The following FGGY variants were observed in gnomAD, a reference collection of about 807,000 sequenced individuals.
The protein encoded by FGGY is FGGY carbohydrate kinase domain containing, also known as FGGY carbohydrate kinase domain-containing protein.
FGGY carries 72 observed loss-of-function variants against 71.3 expected under a neutral mutation model. The observed-to-expected ratio is 1.01, with a 90% CI of 0.84 to 1.23. The LOEUF (loss-of-function observed/expected upper bound fraction) is 1.23. Ranked by LOEUF, FGGY falls within the 50% of genes most tolerant of loss-of-function variation. FGGY has a pLI of 0.00. For missense variants in FGGY, 668 were observed against 682.3 expected (o/e 0.98, Z 0.23); for synonymous variants, 251 against 250.3 (o/e 1.00, Z -0.02).
rs2030482 is a variant in FGGY, at chr1:59,437,632, C to T, written c.555-19329C>T. 1.9e-3 allele frequency among the ~76,000 whole-genome samples: 286 copies of T among 152,264 alleles called. 1 individual carries two copies. Among genetic ancestry groups the T allele is most frequent in the African/African-American group, 6.6e-3 (274 of 41,542 alleles). On this transcript the variant is annotated intron_variant, in intron 5 of 15. Coordinates refer to ENST00000303721, the MANE Select transcript of FGGY (RefSeq NM_018291.5). ...ATAAATTTACAGAATGCAGCTCGCT[C>T]TGGAGATTATATCTGGTTATATATG...
rs1168597140 is a variant in FGGY, at chr1:59,667,288, G to A, written c.1302G>A (p.Gly434=). 1.2e-6 allele frequency: 2 copies of A among 1,613,888 alleles called. No homozygotes were observed. Among genetic ancestry groups the A allele is most frequent in the Non-Finnish European group, 1.7e-6 (2 of 1,180,020 alleles). The change falls in exon 13 of 16, where the codon GGG becomes GGA. Residue 434 remains glycine (G), a synonymous_variant. Transcript: ENST00000303721. ...YLATVQAIAL[G]TRFIIEAMEA... is the part of the protein sequence containing the mutation. ...CTTCTGCTTTTCCTTTCAAGTTGGG[G>A]ACTCGCTTCATTATAGAAGCCATGG...
chr1:59,699,678 A>G (rs1406100838), intron 14 of FGGY, among the ~76,000 whole-genome samples: 2 of 152,220 alleles, frequency 1.3e-5, no homozygotes, highest in East Asian at 3.8e-4. Flanking sequence ...GGAGTAACAT[A>G]CAGTATTCTA....
intron 4 of FGGY, among the ~76,000 whole-genome samples, chr1:59,346,864 T>G (rs2052043171): frequency 1.3e-5 from 2 of 152,014 alleles, no homozygotes; most frequent in African/African-American, 4.8e-5. Flanking sequence ...CAGGCTGATT[T>G]CGAACTCCTG....
At chr1:59,709,607 C>T (rs929632807) in intron 14 of FGGY, among the ~76,000 whole-genome samples, 1 of 152,170 alleles carries the variant, frequency 6.6e-6, no homozygotes, top group Non-Finnish European at 1.5e-5. Context: ...AGCCATCACA[C>T]AAGGAATCTA....
rs1026042908 is a variant in FGGY, at chr1:59,674,215, A to C, written c.1512+82A>C. 5 of 969,328 alleles carry C rather than the reference A, an allele frequency of 5.2e-6. No individual in the cohort carries two copies. The African/African-American group carries it at 6.5e-5, about 13-fold the overall frequency. 60.0% of individuals were successfully genotyped at this position (969,328 alleles called of 1,614,324 possible). A position where few individuals can be genotyped will look rare whatever the true frequency, so the allele number is the denominator to read the frequency against. ...CTCTTGACAGCAGCTCGCATTTTAC[A>C]AAATACACACAGGATATAATTAAGA... is the stretch of plus-strand genomic sequence containing the variant. On this transcript the variant is annotated intron_variant, in intron 14 of 15. Transcript: ENST00000303721.
chr1:59,337,569 T>A (rs924069680), intron 2 of FGGY, among the ~76,000 whole-genome samples: 1 of 152,198 alleles, frequency 6.6e-6, no homozygotes, highest in Non-Finnish European at 1.5e-5. Flanking sequence ...TCCAGTCCAG[T>A]TGATATCTAA....
chr1:59,755,906 C>CTTAG (rs2098286169), intron 14 of FGGY: 1 of 152,144 alleles, frequency 6.6e-6, no homozygotes, highest in African/African-American at 2.4e-5. Flanking sequence ...CAAGGTCCTC[C>CTTAG]CTAAAGCACA....
At chr1:59,732,583 T>G (rs542519636) in intron 14 of FGGY, among the ~76,000 whole-genome samples, 10 of 151,840 alleles carry the variant, frequency 6.6e-5, no homozygotes, top group African/African-American at 2.4e-4. Flanking sequence ...AGGGTGGAGT[T>G]CTTATCACTC....
intron 14 of FGGY, among the ~76,000 whole-genome samples, chr1:59,723,800 T>G (rs2097917486): frequency 6.6e-6 from 1 of 152,246 alleles, no homozygotes; most frequent in Non-Finnish European, 1.5e-5. Flanking sequence ...ATTCAGTGGT[T>G]TTGATAAATG....
chr1:59,471,882 G>A (rs1346240177), intron 6 of FGGY, among the ~76,000 whole-genome samples: 1 of 152,242 alleles, frequency 6.6e-6, no homozygotes, highest in Non-Finnish European at 1.5e-5. Flanking sequence ...CACTGGCACT[G>A]GTGGTGGTAT....
At chr1:59,727,919 T>A (rs969716984) in intron 14 of FGGY, among the ~76,000 whole-genome samples, 2 of 152,154 alleles carry the variant, frequency 1.3e-5, no homozygotes, top group Admixed American at 1.3e-4. Flanking sequence ...TCTGCATCCC[T>A]TTACTTATAA....
chr1:59,483,301 C>T (rs1394473334), intron 6 of FGGY, among the ~76,000 whole-genome samples: 2 of 152,126 alleles, frequency 1.3e-5, no homozygotes, highest in Non-Finnish European at 2.9e-5. Context: ...AACTCATTTG[C>T]CAGACTAATA....
At chr1:59,695,649 C>A (rs2097651137) in intron 14 of FGGY, among the ~76,000 whole-genome samples, 1 of 152,176 alleles carries the variant, frequency 6.6e-6, no homozygotes, top group Admixed American at 6.5e-5. Context: ...AGTGGTTTCC[C>A]AACCCTGTAC....
chr1:59,373,730 C>T (rs994157440), intron 4 of FGGY, among the ~76,000 whole-genome samples: 8 of 152,024 alleles, frequency 5.3e-5, no homozygotes, highest in African/African-American at 1.7e-4. Flanking sequence ...TGGAACAGAA[C>T]AGAGCCCTCA....
intron 4 of FGGY, among the ~76,000 whole-genome samples, chr1:59,348,869 A>C (rs2052664148): frequency 6.6e-6 from 1 of 152,166 alleles, no homozygotes; most frequent in Non-Finnish European, 1.5e-5. Flanking sequence ...AGTTTTCAAG[A>C]ATCTAATTCT....
At chr1:59,475,312 A>G (rs1419596411) in intron 6 of FGGY, among the ~76,000 whole-genome samples, 2 of 152,202 alleles carry the variant, frequency 1.3e-5, no homozygotes, top group East Asian at 1.9e-4. Context: ...TCAGGTCCAC[A>G]TGACTGGCAA....
intron 8 of FGGY, among the ~76,000 whole-genome samples, chr1:59,593,126 A>T (rs1320041128): frequency 6.6e-6 from 1 of 152,192 alleles, no homozygotes; most frequent in South Asian, 2.1e-4. Context: ...TGGGACATTT[A>T]TGTGGCCTGT....
intron 5 of FGGY, among the ~76,000 whole-genome samples, chr1:59,419,600 G>A (rs541251555): frequency 2.2e-4 from 34 of 152,276 alleles, no homozygotes; most frequent in Admixed American, 1.4e-3. Context: ...GGGGAAACTC[G>A]CTGTGGCCTT....
At chr1:59,325,289 G>A (rs529835717) in intron 2 of FGGY, among the ~76,000 whole-genome samples, 13 of 152,200 alleles carry the variant, frequency 8.5e-5, no homozygotes, top group African/African-American at 2.2e-4. Flanking sequence ...CCTGGGAGGC[G>A]GAGCTTGCAG....
Sources: gnomAD v4.1 joint callset for allele counts (sites outside exome capture counted in the v4.1 genomes callset) on GRCh38, gnomAD v4.1.1 for gene constraint, MANE v1.5 for transcripts, NCBI Gene and HGNC (gene_info 2026-07-23, HGNC 2026-07-21) for gene names.